The following PPP3CA variants were observed in gnomAD, a reference collection of about 807,000 sequenced individuals.
The protein encoded by PPP3CA is CAM-PRP catalytic subunit.
A neutral mutation model predicts 66.5 loss-of-function variants in PPP3CA; 14 were observed. That is an observed-to-expected ratio of 0.21 (90% CI 0.14 to 0.33). PPP3CA has a LOEUF of 0.33. Among genes scored for constraint, PPP3CA ranks in the 10% least tolerant of loss-of-function variants. The pLI, the probability that PPP3CA is intolerant of heterozygous loss-of-function variation, is 1.00. For missense variants in PPP3CA, 317 were observed against 639.5 expected (o/e 0.50, Z 5.44); for synonymous variants, 232 against 226.2 (o/e 1.03, Z -0.23).
intron 2 of PPP3CA, among the ~76,000 whole-genome samples, chr4:101,157,852 G>A (rs1723374136): frequency 1.4e-5 from 2 of 138,492 alleles, no homozygotes; most frequent in East Asian, 2.1e-4. Context: ...CATCCTAAAC[G>A]GTTCCTTAGG....
intron 1 of PPP3CA, among the ~76,000 whole-genome samples, chr4:101,218,523 A>T (rs1455125823): frequency 6.6e-6 from 1 of 151,952 alleles, no homozygotes; most frequent in East Asian, 1.9e-4. Context: ...AAGTTTTCCC[A>T]TAGCTCTCAC....
intron 11 of PPP3CA, among the ~76,000 whole-genome samples, chr4:101,036,568 C>T (rs966327037): frequency 4.0e-5 from 6 of 151,584 alleles, no homozygotes; most frequent in South Asian, 2.1e-4. Flanking sequence ...CCTGCCACCA[C>T]GCCCAGCTAA....
chr4:101,089,744 G>C (rs902125625), intron 6 of PPP3CA, among the ~76,000 whole-genome samples: 16 of 152,120 alleles, frequency 1.1e-4, no homozygotes, highest in African/African-American at 2.4e-5. Context: ...CTATCTGCCT[G>C]AACATTATAG....
intron 2 of PPP3CA, among the ~76,000 whole-genome samples, chr4:101,119,413 CA>C (rs1481180768): frequency 6.6e-6 from 1 of 151,988 alleles, no homozygotes; most frequent in Non-Finnish European, 1.5e-5. Flanking sequence ...CTGTGTTCCA[CA>C]GCTATGTAAT....
At chr4:101,273,376 T>C in intron 1 of PPP3CA, among the ~76,000 whole-genome samples, 1 of 152,108 alleles carries the variant, frequency 6.6e-6, no homozygotes, top group Non-Finnish European at 1.5e-5. Context: ...GACAGAGTGA[T>C]CGCGCAGTGG....
chr4:101,262,970 A>T (rs916424260), intron 1 of PPP3CA, among the ~76,000 whole-genome samples: 1 of 152,162 alleles, frequency 6.6e-6, no homozygotes, highest in Non-Finnish European at 1.5e-5. Context: ...CTGGAGAGAA[A>T]CAACACTGAA....
intron 2 of PPP3CA, among the ~76,000 whole-genome samples, chr4:101,179,280 C>A (rs1724162205): frequency 6.6e-6 from 1 of 151,400 alleles, no homozygotes; most frequent in Admixed American, 6.6e-5. Flanking sequence ...GCCTAGATTT[C>A]ATCTACACTA....
intron 1 of PPP3CA, among the ~76,000 whole-genome samples, chr4:101,275,504 T>C (rs1362045739): frequency 1.3e-5 from 2 of 152,162 alleles, no homozygotes; most frequent in African/African-American, 4.8e-5. Flanking sequence ...GCTAGGAAAA[T>C]CATACTACTA....
chr4:101,157,428 T>C (rs778968341), intron 2 of PPP3CA, among the ~76,000 whole-genome samples: 67 of 152,160 alleles, frequency 4.4e-4, no homozygotes, highest in African/African-American at 8.7e-4. Context: ...ACAAAAGACA[T>C]TGAAATGAAA....
At chr4:101,266,638 A>T (rs1727178142) in intron 1 of PPP3CA, among the ~76,000 whole-genome samples, 1 of 152,178 alleles carries the variant, frequency 6.6e-6, no homozygotes, top group Non-Finnish European at 1.5e-5. Context: ...ATTTCTTTAC[A>T]TTGACAGACT....
At chr4:101,141,127 T>C (rs1461945300) in intron 2 of PPP3CA, among the ~76,000 whole-genome samples, 1 of 152,062 alleles carries the variant, frequency 6.6e-6, no homozygotes, top group Non-Finnish European at 1.5e-5. Context: ...CCCAGTACCT[T>C]GGGAGGCCGA....
chr4:101,175,194 T>C (rs1051027961), intron 2 of PPP3CA, among the ~76,000 whole-genome samples: 2 of 152,118 alleles, frequency 1.3e-5, no homozygotes, highest in Non-Finnish European at 2.9e-5. Context: ...TCTGAAGCTA[T>C]AGAAACTGGA....
At chr4:101,165,077 A>C (rs1260740104) in intron 2 of PPP3CA, among the ~76,000 whole-genome samples, 1 of 152,144 alleles carries the variant, frequency 6.6e-6, no homozygotes, top group East Asian at 1.9e-4. Context: ...TTCCTGAAAG[A>C]AGGTTATGCT....
chr4:101,125,384 C>T (rs901967378), intron 2 of PPP3CA, among the ~76,000 whole-genome samples: 6 of 152,280 alleles, frequency 3.9e-5, no homozygotes, highest in Admixed American at 6.5e-5. Flanking sequence ...CCAGCCAGCT[C>T]GATAACCTAA....
intron 3 of PPP3CA, among the ~76,000 whole-genome samples, chr4:101,106,473 A>AGAAAGAAGAGAAGAGAAG (rs1560605300): frequency 6.9e-5 from 3 of 43,264 alleles, no homozygotes; most frequent in Non-Finnish European, 1.3e-4. Context: ...AAGAAAAGAA[A>AGAAAGAAGAGAAGAGAAG]AGAAAAGAAA....
At chr4:101,187,992 T>C (rs1033159193) in intron 2 of PPP3CA, among the ~76,000 whole-genome samples, 14 of 152,104 alleles carry the variant, frequency 9.2e-5, no homozygotes, top group African/African-American at 3.4e-4. Context: ...ATAAGCAATA[T>C]AGGATGTATG....
intron 10 of PPP3CA, among the ~76,000 whole-genome samples, chr4:101,054,142 T>C (rs1346877900): frequency 6.6e-6 from 1 of 151,862 alleles, no homozygotes; most frequent in Non-Finnish European, 1.5e-5. Context: ...TTTTTTATAT[T>C]AAAGATTAAT....
At chr4:101,312,346 ACTGT>A (rs1276668361) in intron 1 of PPP3CA, among the ~76,000 whole-genome samples, 6 of 152,122 alleles carry the variant, frequency 3.9e-5, no homozygotes, top group African/African-American at 2.4e-5. Context: ...TAAGTTGAAA[ACTGT>A]CTGTATATAA....
chr4:101,274,364 C>T (rs1398107006), intron 1 of PPP3CA, among the ~76,000 whole-genome samples: 1 of 152,142 alleles, frequency 6.6e-6, no homozygotes, highest in Non-Finnish European at 1.5e-5. Flanking sequence ...ATGTTCATGT[C>T]TCAAATTATT....
Sources: gnomAD v4.1 joint callset for allele counts (sites outside exome capture counted in the v4.1 genomes callset) on GRCh38, gnomAD v4.1.1 for gene constraint, MANE v1.5 for transcripts, NCBI Gene and HGNC (gene_info 2026-07-23, HGNC 2026-07-21) for gene names.